Variants in STX18 observed in about 807,000 individuals in gnomAD.
The protein encoded by STX18 is syntaxin-18.
A neutral mutation model predicts 50.1 loss-of-function variants in STX18; 40 were observed. That is an observed-to-expected ratio of 0.80 (90% CI 0.62 to 1.04). The LOEUF is 1.04. Ranked by LOEUF, STX18 falls within the 50% of genes least tolerant of loss-of-function variation. The probability of loss-of-function intolerance (pLI) is 0.00; values close to 1 mark genes in which losing one functional copy is unlikely to be tolerated. For missense variants in STX18, 410 were observed against 415.8 expected (o/e 0.99, Z 0.12); for synonymous variants, 158 against 151.8 (o/e 1.04, Z -0.30).
At chr4:4,514,517 T>C (rs564808730) in intron 1 of STX18, among the ~76,000 whole-genome samples, 1 of 152,342 alleles carries the variant, frequency 6.6e-6, no homozygotes, top group African/African-American at 2.4e-5. Flanking sequence ...CTTTCAATAC[T>C]AAGATTCCGA....
At chr4:4,451,637 T>C (rs1240866013) in intron 5 of STX18, among the ~76,000 whole-genome samples, 1 of 152,246 alleles carries the variant, frequency 6.6e-6, no homozygotes, top group Non-Finnish European at 1.5e-5. Flanking sequence ...CAGTAATCTC[T>C]GATGTGACTT....
intron 1 of STX18, among the ~76,000 whole-genome samples, chr4:4,480,094 T>C (rs1322636957): frequency 6.6e-6 from 1 of 152,222 alleles, no homozygotes; most frequent in Non-Finnish European, 1.5e-5. Flanking sequence ...TATACATACA[T>C]AGAGGGGAAT....
chr4:4,443,989 C>T (rs182146996), intron 5 of STX18, among the ~76,000 whole-genome samples: 9 of 152,034 alleles, frequency 5.9e-5, no homozygotes, highest in South Asian at 2.1e-4. Flanking sequence ...GCTCCTAGTA[C>T]GTCTTGTCTG....
intron 1 of STX18, among the ~76,000 whole-genome samples, chr4:4,513,191 T>C (rs1016224965): frequency 3.9e-5 from 6 of 152,174 alleles, no homozygotes; most frequent in African/African-American, 1.4e-4. Flanking sequence ...TTCGGTTCTA[T>C]GTTAAGTAAA....
At chr4:4,507,908 A>G (rs1729802928) in intron 1 of STX18, 2 of 509,552 alleles carry the variant, frequency 3.9e-6, no homozygotes, top group South Asian at 2.8e-5. Context: ...CTAGAAAGGA[A>G]GCATTCCGTA....
At chr4:4,502,747 T>C (rs58329034) in intron 1 of STX18, among the ~76,000 whole-genome samples, 2 of 152,168 alleles carry the variant, frequency 1.3e-5, no homozygotes, top group Non-Finnish European at 2.9e-5. Context: ...GTGCAGCACA[T>C]GTAATTTCAA....
At chr4:4,459,775 G>A (rs1727283245) in intron 2 of STX18, among the ~76,000 whole-genome samples, 1 of 152,214 alleles carries the variant, frequency 6.6e-6, no homozygotes, top group Non-Finnish European at 1.5e-5. Flanking sequence ...TACAGCATAA[G>A]CCAGGCTTAT....
intron 5 of STX18, among the ~76,000 whole-genome samples, chr4:4,439,567 CT>C (rs1304024374): frequency 1.4e-5 from 2 of 138,728 alleles, no homozygotes; most frequent in African/African-American, 2.7e-5. Context: ...TATATACCCC[CT>C]ACCCATATAT....
At position 4,423,586 on chromosome 4, in the gene STX18, G is replaced by T; in HGVS notation, c.763C>A (p.Gln255Lys). 1 of 1,614,044 alleles carries T rather than the reference G, an allele frequency of 6.2e-7. No individual in the cohort carries two copies. Among genetic ancestry groups the T allele is most frequent in the Non-Finnish European group, 8.5e-7 (1 of 1,179,952 alleles). ...ATCTCAACCACTCTCCCTTCGATTT[G>T]CCTTCATAAAAAGAACAGATTACAT... ...EMNSLFDEVRQIEGRVVEISR... is the reference protein window; with the variant it reads ...EMNSLFDEVRKIEGRVVEISR... The change falls in exon 9 of 11, where the codon CAA (glutamine) becomes AAA (lysine). Residue 255 changes from glutamine to lysine, a missense_variant and splice_region_variant. Coordinates refer to ENST00000306200, the MANE Select transcript of STX18 (RefSeq NM_016930.4).
At chr4:4,448,593 C>T (rs1169864660) in intron 5 of STX18, among the ~76,000 whole-genome samples, 3 of 152,314 alleles carry the variant, frequency 2.0e-5, no homozygotes, top group African/African-American at 7.2e-5. Context: ...CCACCTGCCT[C>T]GGCCTCCCAA....
chr4:4,527,867 C>CACATATATATAT lies in STX18; in HGVS notation c.168+13929_168+13930insATATATATATGT, dbSNP rs372566368. ...ATATATATATACACACACACACACACATATATATATATATTAAAAACTACC... is the reference window on the plus strand; with the variant it reads ...ATATATATATACACACACACACACACACATATATATATATATATATATATATTAAAAACTACC... On this transcript the variant is annotated intron_variant, in intron 1 of 10. Coordinates refer to ENST00000306200, the MANE Select transcript of STX18 (RefSeq NM_016930.4). 4.1e-3 allele frequency among the ~76,000 whole-genome samples: 565 copies of CACATATATATAT among 137,198 alleles called. 8 individuals are homozygous for CACATATATATAT. The highest frequency in any genetic ancestry group is 0.013 in the African/African-American group (500 of 37,864). 90.0% of individuals were successfully genotyped at this position (137,198 alleles called of 152,430 possible).
At chr4:4,423,732 G>A in intron 8 of STX18, 145 bp from the exon 9 acceptor site, 1 of 758,124 alleles carries the variant, frequency 1.3e-6, no homozygotes, top group South Asian at 1.7e-5. Context: ...AAGAGGAGAT[G>A]GGAGAGGAAG....
chr4:4,537,562 GC>G (rs1257617449), intron 1 of STX18, among the ~76,000 whole-genome samples: 2 of 152,156 alleles, frequency 1.3e-5, no homozygotes, highest in Non-Finnish European at 2.9e-5. Context: ...ATGGATAAGA[GC>G]TAGAGAAAGA....
In STX18 at chr4:4,420,175, G is replaced by A; in HGVS notation, c.913-46C>T. ...AGGTGTTTTTATCACACAGGATTTT[G>A]GTTTGAGCAGCCCTGAAATGCCCCC... On this transcript the variant is annotated intron_variant, in intron 10 of 10. Coordinates refer to ENST00000306200, the MANE Select transcript of STX18 (RefSeq NM_016930.4). The surrounding 1 kb of genome is among the most constrained non-coding windows in gnomAD (Gnocchi z 4.3). 1 of 1,520,554 alleles carries A rather than the reference G, an allele frequency of 6.6e-7. No homozygotes were observed. The highest frequency in any genetic ancestry group is 1.4e-5 in the African/African-American group (1 of 72,802). The allele number at this position is 1,520,554 out of a possible 1,614,324, so 94.2% of individuals were successfully genotyped here. A position where few individuals can be genotyped will look rare whatever the true frequency, so the allele number is the denominator to read the frequency against.
intron 1 of STX18, among the ~76,000 whole-genome samples, chr4:4,540,063 G>A (rs917656233): frequency 1.3e-5 from 2 of 152,124 alleles, no homozygotes; most frequent in African/African-American, 4.8e-5. Flanking sequence ...GAGGGAGAGT[G>A]TCCTGTTTCT....
intron 1 of STX18, among the ~76,000 whole-genome samples, chr4:4,499,064 T>G (rs1729319058): frequency 6.6e-6 from 1 of 152,244 alleles, no homozygotes; most frequent in African/African-American, 2.4e-5. Flanking sequence ...AATAACAATT[T>G]GAGGCTATCA....
Position 4,457,487 on chromosome 4 carries a change from T to C in STX18, c.366A>G (p.Ile122Met). ...QQLRTEAHKE[I>M]HSQQVKEHRT... ...TGTGCTCCTTCACTTGCTGGGAATG[T>C]ATCTCCTTGTGAGCTGTAACAGAAA... Residue 122 changes from isoleucine (I) to methionine (M), a missense_variant, in exon 4 of 11, where the codon ATA becomes ATG. Physicochemically the swap from Ile to Met is conservative, Grantham distance 10. Transcript: ENST00000306200. 6.2e-7 allele frequency: 1 copy of C among 1,613,994 alleles called. No individual in the cohort carries two copies. Among genetic ancestry groups the C allele is most frequent in the Non-Finnish European group, 8.5e-7 (1 of 1,179,902 alleles).
At chr4:4,503,715 G>A (rs1476202994) in intron 1 of STX18, among the ~76,000 whole-genome samples, 1 of 151,974 alleles carries the variant, frequency 6.6e-6, no homozygotes, top group Non-Finnish European at 1.5e-5. Context: ...TATTATGTGG[G>A]GAAAGTGAAA....
intron 1 of STX18, among the ~76,000 whole-genome samples, chr4:4,501,221 C>CA (rs941468149): frequency 6.6e-6 from 1 of 152,070 alleles, no homozygotes; most frequent in Non-Finnish European, 1.5e-5. Context: ...CATTCCTTAA[C>CA]ATAACAGCTT....
Sources: gnomAD v4.1 joint callset for allele counts (sites outside exome capture counted in the v4.1 genomes callset) on GRCh38, gnomAD v4.1.1 for gene constraint, Gnocchi (gnomAD v3.1) non-coding constraint, MANE v1.5 for transcripts, NCBI Gene and HGNC (gene_info 2026-07-23, HGNC 2026-07-21) for gene names.